The following ATP6V0D1 variants were observed in gnomAD, a reference collection of about 807,000 sequenced individuals.
ATP6V0D1 encodes the protein ATPase H+ transporting V0 subunit d1, also known as V-type proton ATPase subunit d 1.
In ATP6V0D1, 13 loss-of-function variants were observed where a neutral mutation model predicts 39.0. That is an observed-to-expected ratio of 0.33 (90% CI 0.22 to 0.53). ATP6V0D1 has a LOEUF of 0.53. Ranked by LOEUF, ATP6V0D1 falls within the 20% of genes least tolerant of loss-of-function variation. The probability of loss-of-function intolerance (pLI) is 0.94; values close to 1 mark genes in which losing one functional copy is unlikely to be tolerated. For synonymous variants in ATP6V0D1, 191 were observed against 191.2 expected (o/e 1.00, Z 0.01); for missense variants, 272 against 470.9 (o/e 0.58, Z 3.91).
chr16:67,473,841 T>A (rs561886660), intron 1 of ATP6V0D1, among the ~76,000 whole-genome samples: 65 of 152,206 alleles, frequency 4.3e-4, no homozygotes, highest in Non-Finnish European at 7.1e-4. Context: ...GTATTTTTAG[T>A]AGAGATGGGG....
At position 67,453,682 on chromosome 16, in the gene ATP6V0D1, C is replaced by T; in HGVS notation, c.164G>A (p.Gly55Asp). Residue 55 changes from glycine (G) to aspartate (D), a missense_variant, in exon 2 of 8, where the codon GGT (glycine) becomes GAT (aspartate). This residue lies in a region of ATP6V0D1 where 81 missense variants were observed against 96.0 expected (regional missense o/e 0.84). Transcript: ENST00000290949. This position sits in a 1 kb window ranked among gnomAD's most constrained non-coding sequence, Gnocchi z 4.1. The stretch of plus-strand genomic sequence containing the variant: ...TGATGCCTCGTTGGCCAGGAAGTTA[C>T]CATAATCAGTGCTCTGCAGATGCAG... ...LKLHLQSTDY[G>D]NFLANEASPL... 6.2e-7 allele frequency: 1 copy of T among 1,614,092 alleles called. No homozygotes were observed. Among genetic ancestry groups the T allele is most frequent in the Non-Finnish European group, 8.5e-7 (1 of 1,180,020 alleles).
chr16:67,454,486 G>A (rs2041216611), intron 1 of ATP6V0D1: 1 of 152,498 alleles, frequency 6.6e-6, no homozygotes, highest in Non-Finnish European at 1.5e-5. Flanking sequence ...GCAGGCCAAG[G>A]GAGAGGCAGT....
intron 2 of ATP6V0D1, among the ~76,000 whole-genome samples, chr16:67,451,431 CA>C (rs1205666548): frequency 6.6e-6 from 1 of 152,170 alleles, no homozygotes; most frequent in Non-Finnish European, 1.5e-5. Context: ...CCGTGTCCCA[CA>C]AGGGACTGAG....
In ATP6V0D1 at chr16:67,438,882, G is replaced by C. The variant is rs2041010649; in HGVS notation, c.817-12C>G. ...AGCAGCTTGTACTCCTGGCCAGGGG[G>C]GTGGGGGGAAGCACAAGCATGAGGG... On this transcript the variant is annotated splice_polypyrimidine_tract_variant and intron_variant, in intron 6 of 7. Coordinates refer to ENST00000290949, the MANE Select transcript of ATP6V0D1 (RefSeq NM_004691.5). 2 of 1,613,576 alleles carry C rather than the reference G, an allele frequency of 1.2e-6. No individual in the cohort carries two copies. Among genetic ancestry groups the C allele is most frequent in the African/African-American group, 1.3e-5 (1 of 74,868 alleles).
intron 2 of ATP6V0D1, chr16:67,445,705 G>C: frequency 3.0e-6 from 1 of 337,200 alleles, no homozygotes; most frequent in South Asian, 2.2e-5. Context: ...AGAGGGGGCT[G>C]TGGAGCTGGG....
intron 2 of ATP6V0D1, among the ~76,000 whole-genome samples, chr16:67,450,057 T>G (rs2041160908): frequency 6.6e-6 from 1 of 152,214 alleles, no homozygotes; most frequent in African/African-American, 2.4e-5. Context: ...GGGCCAACTT[T>G]GTCTGTGGGC....
At chr16:67,459,947 G>A (rs2041276347) in intron 1 of ATP6V0D1, among the ~76,000 whole-genome samples, 1 of 152,236 alleles carries the variant, frequency 6.6e-6, no homozygotes, top group Non-Finnish European at 1.5e-5. Context: ...GGGTCTTGCT[G>A]GCCAGCTGGC....
chr16:67,465,058 C>T (rs1179341023), intron 1 of ATP6V0D1, among the ~76,000 whole-genome samples: 1 of 152,238 alleles, frequency 6.6e-6, no homozygotes, highest in African/African-American at 2.4e-5. Context: ...AAGCACCCTT[C>T]GGGGCCTTGA....
rs926836473 is a variant in ATP6V0D1, at chr16:67,467,503, CA to C, written c.130+13453del. On this transcript the variant is annotated intron_variant, in intron 1 of 7. Transcript: ENST00000290949. The stretch of plus-strand genomic sequence containing the variant: ...CTGGCAACAGAGTGAGACTCTGTCT[CA>C]AAAAAAAAAAAGAGCTGTCACTCAT... Among the ~76,000 whole-genome samples, 271 of 138,350 alleles carry C rather than the reference CA, an allele frequency of 2.0e-3. 1 individual carries two copies. Among genetic ancestry groups the C allele is most frequent in the South Asian group, 5.2e-3 (23 of 4,422 alleles). The allele number at this position is 138,350 out of a possible 152,430, so 90.8% of individuals were successfully genotyped here. A position where few individuals can be genotyped will look rare whatever the true frequency, so the allele number is the denominator to read the frequency against.
intron 1 of ATP6V0D1, among the ~76,000 whole-genome samples, chr16:67,473,147 G>C (rs1463106451): frequency 6.6e-6 from 1 of 152,016 alleles, no homozygotes; most frequent in Non-Finnish European, 1.5e-5. Flanking sequence ...AGGCAGTTTC[G>C]TGTTTCTGAG....
chr16:67,455,232 C>T (rs966578422), intron 1 of ATP6V0D1: 1 of 152,246 alleles, frequency 6.6e-6, no homozygotes, highest in Non-Finnish European at 1.5e-5. Context: ...CTTTGAGGCT[C>T]AGGAGACCAT....
chr16:67,477,343 C>T (rs2041423582), intron 1 of ATP6V0D1, among the ~76,000 whole-genome samples: 1 of 152,078 alleles, frequency 6.6e-6, no homozygotes, highest in African/African-American at 2.4e-5. Context: ...AAATTTGAGA[C>T]AATCAGGGGA....
Position 67,453,675 on chromosome 16 carries a change from G to T in ATP6V0D1, c.171C>A (p.Phe57Leu). 6.2e-7 allele frequency: 1 copy of T among 1,614,112 alleles called. No individual in the cohort carries two copies. The highest frequency in any genetic ancestry group is 8.5e-7 in the Non-Finnish European group (1 of 1,180,020). The change falls in exon 2 of 8, where the codon TTC becomes TTA. Residue 57 changes from phenylalanine to leucine, a missense_variant. Around this residue, in one of 4 missense-constraint regions of ATP6V0D1, gnomAD observed 81 missense variants for 96.0 expected, o/e 0.84. Coordinates refer to ENST00000290949, the MANE Select transcript of ATP6V0D1 (RefSeq NM_004691.5). This position sits in a 1 kb window ranked among gnomAD's most constrained non-coding sequence, Gnocchi z 4.1. ...LHLQSTDYGN[F>L]LANEASPLTV... ...TCAGAGGTGATGCCTCGTTGGCCAG[G>T]AAGTTACCATAATCAGTGCTCTGCA...
intron 1 of ATP6V0D1, among the ~76,000 whole-genome samples, chr16:67,471,640 C>T (rs1294678130): frequency 6.6e-6 from 1 of 151,994 alleles, no homozygotes; most frequent in Admixed American, 6.5e-5. Flanking sequence ...TCATCCCCTC[C>T]CTCAGAGCAA....
chr16:67,467,279 G>A (rs1392145061), intron 1 of ATP6V0D1, among the ~76,000 whole-genome samples: 1 of 152,134 alleles, frequency 6.6e-6, no homozygotes, highest in East Asian at 1.9e-4. Context: ...GACCGAGGTG[G>A]GCGGATCACG....
At chr16:67,452,446 G>A in intron 2 of ATP6V0D1, 1 of 1,519,818 alleles carries the variant, frequency 6.6e-7, no homozygotes. Context: ...ATAAGAATCA[G>A]GCCAGGCAGC....
chr16:67,465,148 G>A (rs1030088692), intron 1 of ATP6V0D1, among the ~76,000 whole-genome samples: 2 of 152,246 alleles, frequency 1.3e-5, no homozygotes, highest in East Asian at 3.8e-4. Context: ...GGGAGTAGGT[G>A]TTGGATGAGG....
At chr16:67,450,197 A>G (rs1395956286) in intron 2 of ATP6V0D1, among the ~76,000 whole-genome samples, 1 of 152,190 alleles carries the variant, frequency 6.6e-6, no homozygotes, top group Non-Finnish European at 1.5e-5. Flanking sequence ...CCTCATTCCC[A>G]GAGTGGGCAC....
At chr16:67,440,341 C>T (rs986804019) in intron 4 of ATP6V0D1, 4 of 152,350 alleles carry the variant, frequency 2.6e-5, no homozygotes, top group African/African-American at 7.2e-5. Flanking sequence ...AAGAAGAGGT[C>T]AGCCCAGGCC....
Sources: gnomAD v4.1 joint callset for allele counts (sites outside exome capture counted in the v4.1 genomes callset) on GRCh38, gnomAD v4.1.1 for gene constraint, gnomAD v4.1.1 regional missense constraint, Gnocchi (gnomAD v3.1) non-coding constraint, MANE v1.5 for transcripts, NCBI Gene and HGNC (gene_info 2026-07-23, HGNC 2026-07-21) for gene names.